Variants in SEMA5A observed in about 807,000 individuals in gnomAD.
The protein encoded by SEMA5A is semaphorin-5A.
Under a neutral mutation model 135.5 loss-of-function variants are expected in SEMA5A, and 55 were observed. The ratio of observed to expected loss-of-function variants is 0.41; its 90% CI spans 0.33 to 0.51. The LOEUF (loss-of-function observed/expected upper bound fraction) is 0.51. Ranked by LOEUF, SEMA5A falls within the 20% of genes least tolerant of loss-of-function variation. The pLI, the probability that SEMA5A is intolerant of heterozygous loss-of-function variation, is 0.37. For synonymous variants in SEMA5A, 580 were observed against 546.5 expected, an observed-to-expected ratio of 1.06 and a Z score of -0.85; for missense variants, 1,290 against 1,419.9, an observed-to-expected ratio of 0.91 and a Z score of 1.47.
At chr5:9,076,754 G>T (rs1396465997) in intron 16 of SEMA5A, among the ~76,000 whole-genome samples, 1 of 151,952 alleles carries the variant, frequency 6.6e-6, no homozygotes, top group East Asian at 1.9e-4. Flanking sequence ...GTAGATAAAT[G>T]CTTCATAAAG....
At chr5:9,137,615 C>T (rs1290472936) in intron 12 of SEMA5A, among the ~76,000 whole-genome samples, 1 of 152,080 alleles carries the variant, frequency 6.6e-6, no homozygotes, top group East Asian at 1.9e-4. Context: ...AGAGACAATG[C>T]CAGCATGGAG....
In SEMA5A at chr5:9,205,908, G is replaced by C. The variant is rs79823163; in HGVS notation, c.647-3668C>G. 3.8e-3 allele frequency among the ~76,000 whole-genome samples: 580 copies of C among 152,272 alleles called. 17 individuals are homozygous for C. The East Asian group carries it at 0.09, about 24-fold the overall frequency. The stretch of plus-strand genomic sequence containing the variant: ...CCTCTTGAAATTCGGCTAGCATCCT[G>C]TTCCTTTTTCAAAGACAATGAAAAA... On this transcript the variant is annotated intron_variant, in intron 8 of 22. Transcript: ENST00000382496.
At chr5:9,218,668 G>A (rs901441492) in intron 8 of SEMA5A, among the ~76,000 whole-genome samples, 4 of 152,208 alleles carry the variant, frequency 2.6e-5, no homozygotes, top group African/African-American at 9.6e-5. Flanking sequence ...AAACAAAGAA[G>A]TGAGTTTTGT....
intron 4 of SEMA5A, among the ~76,000 whole-genome samples, chr5:9,322,502 T>C (rs77653588): frequency 6.6e-6 from 1 of 152,298 alleles, no homozygotes; most frequent in East Asian, 1.9e-4. Flanking sequence ...ACCAGAGGAT[T>C]TGAACTTTTC....
At chr5:9,359,948 T>C (rs541798235) in intron 3 of SEMA5A, among the ~76,000 whole-genome samples, 2 of 152,350 alleles carry the variant, frequency 1.3e-5, no homozygotes, top group South Asian at 2.1e-4. Flanking sequence ...CCTAAGGTTG[T>C]CTAATAGATT....
In SEMA5A at chr5:9,154,476, G is replaced by C. The variant is rs192481849; in HGVS notation, c.1481+12C>G. On this transcript the variant is annotated intron_variant, in intron 12 of 22. Transcript: ENST00000382496. The stretch of plus-strand genomic sequence containing the variant: ...CACACACCAGTGCATCCTGACCCCG[G>C]AGATGCCCTACCTGCGTGTGCGGTA... 145 of 1,611,502 alleles carry C rather than the reference G, an allele frequency of 9.0e-5. 3 individuals are homozygous for C. The East Asian group carries it at 1.9e-3, about 21-fold the overall frequency.
chr5:9,432,016 A>G (rs1757873526), intron 2 of SEMA5A, among the ~76,000 whole-genome samples: 1 of 152,238 alleles, frequency 6.6e-6, no homozygotes, highest in South Asian at 2.1e-4. Flanking sequence ...AAAGGCCCAA[A>G]TCTCAAACAG....
At position 9,143,517 on chromosome 5, in the gene SEMA5A, T is replaced by C. The variant is rs559365296; in HGVS notation, c.1482-6896A>G. 3.3e-5 allele frequency among the ~76,000 whole-genome samples: 5 copies of C among 152,364 alleles called. No individual in the cohort carries two copies. The South Asian group carries it at 1.0e-3, about 32-fold the overall frequency. ...ACTAATATTAAGCATACTAAGCATA[T>C]GTTCTTTTAGTTAAAACCCATAGGC... On this transcript the variant is annotated intron_variant, in intron 12 of 22. Coordinates refer to ENST00000382496, the MANE Select transcript of SEMA5A (RefSeq NM_003966.3).
chr5:9,316,023 T>A (rs577009899), intron 5 of SEMA5A, among the ~76,000 whole-genome samples: 5 of 152,286 alleles, frequency 3.3e-5, no homozygotes, highest in Admixed American at 1.3e-4. Flanking sequence ...CCTAATCAAA[T>A]TATTCCTTCA....
At chr5:9,267,820 A>G (rs1749762526) in intron 5 of SEMA5A, among the ~76,000 whole-genome samples, 2 of 152,142 alleles carry the variant, frequency 1.3e-5, no homozygotes, top group African/African-American at 4.8e-5. Flanking sequence ...TTTACAGAAC[A>G]CGTGGATAAC....
intron 5 of SEMA5A, among the ~76,000 whole-genome samples, chr5:9,303,203 G>A (rs188514879): frequency 3.3e-5 from 5 of 150,096 alleles, no homozygotes; most frequent in East Asian, 2.0e-4. Context: ...TGCAATCTCC[G>A]CCTCCTAGGT....
chr5:9,455,825 A>C (rs951329554), intron 1 of SEMA5A, among the ~76,000 whole-genome samples: 1 of 152,240 alleles, frequency 6.6e-6, no homozygotes, highest in African/African-American at 2.4e-5. Context: ...TGGTGACAAC[A>C]TGAAAGGAAG....
rs146075768 is a variant in SEMA5A at position 9,324,484 on chromosome 5, C to T, written c.225-6067G>A. Among the ~76,000 whole-genome samples, 15 of 152,302 alleles carry T rather than the reference C, an allele frequency of 9.8e-5. No homozygotes were observed. In the East Asian group the frequency reaches 2.9e-3, roughly 29 times the overall value. ...TGTGGATTCTGCTATTCTCAAATCTCTTTCCTTGAACTATTTGGCCCCACA... is the reference window on the plus strand; with the variant it reads ...TGTGGATTCTGCTATTCTCAAATCTTTTTCCTTGAACTATTTGGCCCCACA... On this transcript the variant is annotated intron_variant, in intron 4 of 22. Coordinates refer to ENST00000382496, the MANE Select transcript of SEMA5A (RefSeq NM_003966.3).
chr5:9,358,619 G>A (rs745667572), intron 3 of SEMA5A, among the ~76,000 whole-genome samples: 5 of 152,238 alleles, frequency 3.3e-5, no homozygotes, highest in Non-Finnish European at 4.4e-5. Flanking sequence ...CTGCCCTGAT[G>A]CAGGCACTTG....
intron 2 of SEMA5A, among the ~76,000 whole-genome samples, chr5:9,410,527 A>C (rs904477307): frequency 1.3e-5 from 2 of 152,190 alleles, no homozygotes; most frequent in Admixed American, 6.5e-5. Context: ...TAAATACAAC[A>C]ATCTTCAGGT....
chr5:9,540,917 G>A (rs904346853), intron 1 of SEMA5A, among the ~76,000 whole-genome samples: 2 of 152,180 alleles, frequency 1.3e-5, no homozygotes, highest in African/African-American at 4.8e-5. Flanking sequence ...AAGTCACTTT[G>A]TGAGGAATGC....
intron 2 of SEMA5A, among the ~76,000 whole-genome samples, chr5:9,389,435 C>G (rs924570122): frequency 2.6e-5 from 4 of 152,190 alleles, no homozygotes; most frequent in Non-Finnish European, 5.9e-5. Flanking sequence ...TGTAACTGCT[C>G]TAAAGCAGGC....
At chr5:9,160,534 C>G (rs896281306) in intron 11 of SEMA5A, among the ~76,000 whole-genome samples, 2 of 152,176 alleles carry the variant, frequency 1.3e-5, no homozygotes, top group African/African-American at 4.8e-5. Flanking sequence ...CATGCTGTCA[C>G]CAGACCAACT....
At chr5:9,363,218 A>G (rs1754773424) in intron 3 of SEMA5A, 1 of 152,240 alleles carries the variant, frequency 6.6e-6, no homozygotes, top group Non-Finnish European at 1.5e-5. Context: ...ATAACCAAAT[A>G]TAGCACACAG....
Sources: allele counts gnomAD v4.1 joint callset (sites outside exome capture counted in the v4.1 genomes callset), GRCh38; gene constraint gnomAD v4.1.1; transcripts MANE v1.5; gene names NCBI Gene and HGNC (gene_info 2026-07-23, HGNC 2026-07-21).